The following IL34 variants were observed in gnomAD, a reference collection of about 807,000 sequenced individuals.
IL34 encodes the protein interleukin-34.
IL34 carries 17 observed loss-of-function variants against 25.3 expected under a neutral mutation model. The ratio of observed to expected loss-of-function variants is 0.67; its 90% CI spans 0.46 to 1.01. The LOEUF is 1.01. IL34 is among the 50% of genes least tolerant of loss of function. The pLI, the probability that IL34 is intolerant of heterozygous loss-of-function variation, is 0.00. For missense variants in IL34, 368 were observed against 312.9 expected (o/e 1.18, Z -1.33); for synonymous variants, 174 against 140.9 (o/e 1.23, Z -1.66).
upstream of IL34, among the ~76,000 whole-genome samples, chr16:70,646,365 C>CT (rs1277318849): frequency 1.3e-5 from 2 of 152,190 alleles, no homozygotes; most frequent in Non-Finnish European, 2.9e-5. Context: ...CTGGTGTCAT[C>CT]ATAACTCACT....
At chr16:70,623,656 A>T (rs147110528) in intron 1 of IL34, among the ~76,000 whole-genome samples, 6,643 of 151,954 alleles carry the variant, frequency 0.044, 432 homozygotes, top group African/African-American at 0.13. Flanking sequence ...GGGGAATACA[A>T]GAGGAGGATG....
chr16:70,628,427 T>C lies in IL34; in HGVS notation c.-400-18121T>C, dbSNP rs374548004. 1.9e-4 allele frequency among the ~76,000 whole-genome samples: 29 copies of C among 152,148 alleles called. 1 individual carries two copies. The South Asian group carries it at 5.8e-3, about 30-fold the overall frequency. Reference sequence around the variant, plus strand: ...AGGTATTTTACATTTTTTGTTGTTATGTAAGTGGTCTCTTTTCTAACTGGC... The same window carrying C: ...AGGTATTTTACATTTTTTGTTGTTACGTAAGTGGTCTCTTTTCTAACTGGC... On this transcript the variant is annotated intron_variant, in intron 1 of 6. Transcript: ENST00000429149.
chr16:70,602,617 G>GTA (rs1249388658), intron 1 of IL34, among the ~76,000 whole-genome samples: 2 of 151,774 alleles, frequency 1.3e-5, no homozygotes, highest in East Asian at 3.9e-4. Flanking sequence ...GTGTGTGTGT[G>GTA]TGTGTGTTTG....
chr16:70,627,394 C>A (rs995684339), intron 1 of IL34, among the ~76,000 whole-genome samples: 2 of 151,640 alleles, frequency 1.3e-5, no homozygotes, highest in Non-Finnish European at 2.9e-5. Context: ...CAAACACTCA[C>A]TATCCCTCCC....
intron 3 of IL34, 27 bp downstream of exon 3, chr16:70,656,706 GA>G (rs2052233066): frequency 9.0e-7 from 1 of 1,114,628 alleles, no homozygotes; most frequent in South Asian, 1.2e-5. Context: ...GGGCTGGGGG[GA>G]CCCTGCCTCC....
chr16:70,651,583 C>T (rs772217304), intron 1 of IL34, among the ~76,000 whole-genome samples: 12 of 151,908 alleles, frequency 7.9e-5, no homozygotes, highest in Admixed American at 2.6e-4. Flanking sequence ...GAGGCCTGAG[C>T]AGGGCAGGTT....
rs549473324 is a variant in IL34 at position 70,657,272 on chromosome 16, G to T, written c.402+151G>T. On this transcript the variant is annotated intron_variant, in intron 4 of 5. Transcript: ENST00000288098. ...GGGACGTGGGAGAAGTGGGGGAGGG[G>T]TGCAGGAAAAGAGGCCTGTGGAAGG... The T allele has an allele frequency of 9.9e-5, 81 of 820,634 alleles. No individual in the cohort carries two copies. The Middle Eastern group carries it at 2.6e-3, about 26-fold the overall frequency. 50.8% of individuals were successfully genotyped at this position (820,634 alleles called of 1,614,324 possible).
intron 1 of IL34, among the ~76,000 whole-genome samples, chr16:70,593,393 C>A (rs937529399): frequency 2.6e-5 from 4 of 152,020 alleles, no homozygotes; most frequent in Non-Finnish European, 5.9e-5. Flanking sequence ...ATGTTATCTT[C>A]TAGAAGTTTT....
intron 1 of IL34, among the ~76,000 whole-genome samples, chr16:70,624,558 C>G (rs184549765): frequency 7.2e-5 from 11 of 152,010 alleles, no homozygotes; most frequent in African/African-American, 2.7e-4. Context: ...AAGGTTGCAG[C>G]CAAACAAGTC....
intron 1 of IL34, 39 bp downstream of exon 1, chr16:70,647,014 G>T: frequency 7.0e-7 from 1 of 1,433,938 alleles, no homozygotes; most frequent in Non-Finnish European, 9.1e-7. Context: ...GCATTGGGAG[G>T]CCTTGGCCTA....
chr16:70,653,250 T>C (rs925976919), intron 1 of IL34, among the ~76,000 whole-genome samples: 1 of 151,082 alleles, frequency 6.6e-6, no homozygotes, highest in Non-Finnish European at 1.5e-5. Context: ...TAGTGGCACA[T>C]GCCTCTCATC....
chr16:70,618,651 G>T (rs941341365), intron 1 of IL34, among the ~76,000 whole-genome samples: 4 of 152,170 alleles, frequency 2.6e-5, no homozygotes, highest in African/African-American at 9.7e-5. Flanking sequence ...TGGCTCTTGT[G>T]TAAGAATTCT....
intron 1 of IL34, among the ~76,000 whole-genome samples, chr16:70,588,551 G>T (rs1262299729): frequency 1.3e-4 from 20 of 151,774 alleles, no homozygotes; most frequent in Admixed American, 1.3e-3. Context: ...TCCCACTTCT[G>T]GATATATACC....
intron 1 of IL34, among the ~76,000 whole-genome samples, chr16:70,609,919 T>C (rs1313747611): frequency 1.3e-5 from 2 of 152,148 alleles, no homozygotes; most frequent in African/African-American, 4.8e-5. Flanking sequence ...AATGTGAATG[T>C]CAGGCTGGAC....
intron 1 of IL34, among the ~76,000 whole-genome samples, chr16:70,630,989 C>T (rs1009273795): frequency 1.1e-4 from 16 of 152,110 alleles, no homozygotes; most frequent in African/African-American, 3.6e-4. Context: ...TACTGATTTC[C>T]TTTCTTTTGG....
rs1305394432 is a variant in IL34 at position 70,660,264 on chromosome 16, G to A, written c.*77G>A. On this transcript the variant is annotated 3_prime_UTR_variant, in exon 6 of 6. Coordinates refer to ENST00000288098, the MANE Select transcript of IL34 (RefSeq NM_001393494.1). ...AGTTCAACTGGGTCTGAGACTTCAA[G>A]GGGTGGTGGTGGGAGCCCCCCTTGG... 1.5e-6 allele frequency: 2 copies of A among 1,369,620 alleles called. No homozygotes were observed. The highest frequency in any genetic ancestry group is 2.4e-5 in the East Asian group (1 of 41,010). 84.8% of individuals were successfully genotyped at this position (1,369,620 alleles called of 1,614,324 possible).
At chr16:70,654,408 C>G (rs1456340376) in intron 1 of IL34, 130 bp from the exon 2 acceptor site, 7 of 1,272,072 alleles carry the variant, frequency 5.5e-6, no homozygotes, top group Non-Finnish European at 7.6e-6. Context: ...CCCGTGCCCC[C>G]CACCACACCT....
chr16:70,617,898 C>G (rs1204787126), intron 1 of IL34, among the ~76,000 whole-genome samples: 1 of 151,866 alleles, frequency 6.6e-6, no homozygotes, highest in Non-Finnish European at 1.5e-5. Flanking sequence ...TTCTCAGACC[C>G]TGTAGGAAAG....
intron 1 of IL34, among the ~76,000 whole-genome samples, chr16:70,618,687 G>A (rs1340844663): frequency 6.6e-6 from 1 of 152,182 alleles, no homozygotes; most frequent in African/African-American, 2.4e-5. Flanking sequence ...GCCTAGGGAG[G>A]AAAGGAATTG....
Sources: allele counts gnomAD v4.1 joint callset (sites outside exome capture counted in the v4.1 genomes callset), GRCh38; gene constraint gnomAD v4.1.1; transcripts MANE v1.5; gene names NCBI Gene and HGNC (gene_info 2026-07-23, HGNC 2026-07-21).